Variants in UBN2 observed in about 807,000 individuals in gnomAD.
UBN2 encodes the protein ubinuclein 2.
A neutral mutation model predicts 120.2 loss-of-function variants in UBN2; 35 were observed. That is an observed-to-expected ratio of 0.29 (90% CI 0.22 to 0.39). The LOEUF is 0.39. UBN2 is among the 10% of genes least tolerant of loss of function. The pLI, the probability that UBN2 is intolerant of heterozygous loss-of-function variation, is 1.00. For synonymous variants in UBN2, 661 were observed against 648.7 expected, an observed-to-expected ratio of 1.02 and a Z score of -0.29; for missense variants, 1,693 against 1,663.2, an observed-to-expected ratio of 1.02 and a Z score of -0.31.
At chr7:139,232,102 G>T (rs977430515) in intron 1 of UBN2, 150 bp downstream of exon 1, 29 of 697,454 alleles carry the variant, frequency 4.2e-5, no homozygotes, top group East Asian at 2.1e-4. Context: ...GCGGGTGGAC[G>T]GGGCGGTGAG....
intron 3 of UBN2, among the ~76,000 whole-genome samples, chr7:139,257,916 GC>G (rs1427433271): frequency 6.6e-6 from 1 of 152,048 alleles, no homozygotes; most frequent in African/African-American, 2.4e-5. Flanking sequence ...CTCCTGAGTC[GC>G]TGGGCTTACT....
chr7:139,326,971 A>T, the UBN2 span, among the ~76,000 whole-genome samples: 7 of 152,316 alleles, frequency 4.6e-5, no homozygotes, highest in African/African-American at 1.4e-4. Flanking sequence ...TTACCAGAAA[A>T]TTGTGAGAGG....
chr7:139,247,785 A>G (rs1469268763), intron 2 of UBN2, among the ~76,000 whole-genome samples: 18 of 152,156 alleles, frequency 1.2e-4, no homozygotes, highest in Admixed American at 1.2e-3. Flanking sequence ...ACTAGTAGTC[A>G]GAGTGATTTT....
At chr7:139,244,788 A>G (rs73466679) in intron 2 of UBN2, among the ~76,000 whole-genome samples, 3,013 of 152,224 alleles carry the variant, frequency 0.02, 104 homozygotes, top group African/African-American at 0.068. Flanking sequence ...TATTGTCTCC[A>G]TAATAACCAG....
chr7:139,268,549 G>A (rs138632419), intron 7 of UBN2, among the ~76,000 whole-genome samples: 5 of 152,166 alleles, frequency 3.3e-5, no homozygotes, highest in East Asian at 1.9e-4. Context: ...AATTTGACCC[G>A]GATCAATAAA....
In UBN2 at chr7:139,269,245, G is replaced by T. The variant is rs374313459; in HGVS notation, c.1467-149G>T. The T allele has an allele frequency of 1.3e-4, 98 of 741,264 alleles. No homozygotes were observed. The East Asian group carries it at 2.1e-3, about 16-fold the overall frequency. The allele number at this position is 741,264 out of a possible 1,614,324, so 45.9% of individuals were successfully genotyped here. The stretch of plus-strand genomic sequence containing the variant: ...AATAAATAAACTGTTTATTGCTATG[G>T]GTTTTTTTTTATTTTTTCCATGAAG... On this transcript the variant is annotated intron_variant, in intron 7 of 17. Coordinates refer to ENST00000473989, the MANE Select transcript of UBN2 (RefSeq NM_173569.4).
intron 3 of UBN2, among the ~76,000 whole-genome samples, chr7:139,257,876 C>T (rs1272958508): frequency 2.0e-5 from 3 of 152,208 alleles, no homozygotes; most frequent in Admixed American, 1.3e-4. Flanking sequence ...ACCTCCACCA[C>T]CTGGGTTCAA....
intron 2 of UBN2, among the ~76,000 whole-genome samples, chr7:139,251,061 T>A (rs779896552): frequency 6.6e-6 from 1 of 152,092 alleles, no homozygotes; most frequent in African/African-American, 2.4e-5. Flanking sequence ...GCCATGATCA[T>A]GCCACTGCAC....
chr7:139,241,097 C>CT lies in UBN2; in HGVS notation c.561+4004dup, dbSNP rs149642786. Among the ~76,000 whole-genome samples the CT allele has an allele frequency of 6.7e-3, 1,014 of 152,244 alleles. 19 individuals are homozygous for CT. Among genetic ancestry groups the CT allele is most frequent in the African/African-American group, 0.023 (952 of 41,526 alleles). On this transcript the variant is annotated intron_variant, in intron 2 of 17. Coordinates refer to ENST00000473989, the MANE Select transcript of UBN2 (RefSeq NM_173569.4). ...TAGATAGTCTGTAGGTAATATATGC[C>CT]TTTTATGAGGCCACCTATACTCTAT...
intron 17 of UBN2, among the ~76,000 whole-genome samples, chr7:139,296,920 C>G (rs1270251733): frequency 6.6e-6 from 1 of 151,936 alleles, no homozygotes; most frequent in East Asian, 1.9e-4. Context: ...AAGAGCCAGG[C>G]GTGGTGGCTC....
chr7:139,307,207 G>A lies in UBN2; in HGVS notation c.*9371G>A, dbSNP rs1417427577. On this transcript the variant is annotated 3_prime_UTR_variant, in exon 18 of 18. Transcript: ENST00000473989. Reference sequence around the variant, plus strand: ...CTAAAGAGTTGATGGTCCTCTAGGTGAAAGACAAGAATTACTGTATTGCAT... The same window carrying A: ...CTAAAGAGTTGATGGTCCTCTAGGTAAAAGACAAGAATTACTGTATTGCAT... 6.6e-6 allele frequency: 1 copy of A among 152,214 alleles called. No homozygotes were observed. The highest frequency in any genetic ancestry group is 1.9e-4 in the East Asian group (1 of 5,200). 9.4% of individuals were successfully genotyped at this position (152,214 alleles called of 1,614,324 possible). A position where few individuals can be genotyped will look rare whatever the true frequency, so the allele number is the denominator to read the frequency against.
intron 3 of UBN2, among the ~76,000 whole-genome samples, chr7:139,258,009 G>A (rs940961374): frequency 2.4e-4 from 37 of 152,026 alleles, no homozygotes; most frequent in Admixed American, 1.6e-3. Context: ...CCTGACCCCA[G>A]GTGATCCACC....
chr7:139,248,743 C>T (rs1026687367), intron 2 of UBN2, among the ~76,000 whole-genome samples: 1 of 151,580 alleles, frequency 6.6e-6, no homozygotes, highest in African/African-American at 2.4e-5. Context: ...AGATCTCTTC[C>T]TCTCTCTCTC....
rs905095810 is a variant in UBN2 at position 139,299,420 on chromosome 7, A to C, written c.*1584A>C. 6.6e-6 allele frequency: 1 copy of C among 152,182 alleles called. No homozygotes were observed. The allele number at this position is 152,182 out of a possible 1,614,324, so 9.4% of individuals were successfully genotyped here. A position where few individuals can be genotyped will look rare whatever the true frequency, so the allele number is the denominator to read the frequency against. On this transcript the variant is annotated 3_prime_UTR_variant, in exon 18 of 18. Coordinates refer to ENST00000473989, the MANE Select transcript of UBN2 (RefSeq NM_173569.4). ...CCAGGCCCTTTTTTCTTTTATACACAAAAGTCCCAGATACCCTACAGGACT... is the reference window on the plus strand; with the variant it reads ...CCAGGCCCTTTTTTCTTTTATACACCAAAGTCCCAGATACCCTACAGGACT...
At chr7:139,271,675 A>G (rs1237221063) in intron 8 of UBN2, among the ~76,000 whole-genome samples, 2 of 152,224 alleles carry the variant, frequency 1.3e-5, no homozygotes, top group Non-Finnish European at 1.5e-5. Flanking sequence ...AAGTAGTTAC[A>G]TATATACTTG....
At position 139,293,347 on chromosome 7, in the gene UBN2, C is replaced by G. The variant is rs749182253; in HGVS notation, c.3785C>G (p.Pro1262Arg). ...TTTGGGATGCTGGGTGGCCTTGTTC[C>G]AGTGACCATGCCCTTCCAGTTTCCC... ...TPFGMLGGLV[P>R]VTMPFQFPLE... Residue 1262 changes from proline (P) to arginine (R), a missense_variant, in exon 16 of 18, where the codon CCA becomes CGA. By Grantham distance (103) the Pro-to-Arg change is moderately radical. Coordinates refer to ENST00000473989, the MANE Select transcript of UBN2 (RefSeq NM_173569.4). 1 of 1,614,070 alleles carries G rather than the reference C, an allele frequency of 6.2e-7. No individual in the cohort carries two copies. Among genetic ancestry groups the G allele is most frequent in the African/African-American group, 1.3e-5 (1 of 74,916 alleles).
chr7:139,244,571 A>G (rs1796412245), intron 2 of UBN2, among the ~76,000 whole-genome samples: 1 of 152,146 alleles, frequency 6.6e-6, no homozygotes, highest in Admixed American at 6.5e-5. Flanking sequence ...AACAAATTCA[A>G]ATAATACATA....
intron 3 of UBN2, among the ~76,000 whole-genome samples, chr7:139,253,991 C>G (rs1253484800): frequency 6.6e-6 from 1 of 152,138 alleles, no homozygotes; most frequent in Non-Finnish European, 1.5e-5. Context: ...TGTCAAACTC[C>G]TAAGTTAATT....
Position 139,300,476 on chromosome 7 carries a change from C to A in UBN2, c.*2640C>A, listed in dbSNP as rs1433652136. The stretch of plus-strand genomic sequence containing the variant: ...TCTTTACCGTTTTTATTACTAAAAA[C>A]AAACATATAAATTGGTTATTTTTTA... On this transcript the variant is annotated 3_prime_UTR_variant, in exon 18 of 18. Coordinates refer to ENST00000473989, the MANE Select transcript of UBN2 (RefSeq NM_173569.4). The A allele has an allele frequency of 1.3e-5, 2 of 152,094 alleles. No homozygotes were observed. The highest frequency in any genetic ancestry group is 2.9e-5 in the Non-Finnish European group (2 of 67,990). The allele number at this position is 152,094 out of a possible 1,614,324, so 9.4% of individuals were successfully genotyped here. A position where few individuals can be genotyped will look rare whatever the true frequency, so the allele number is the denominator to read the frequency against.
Sources: gnomAD v4.1 joint callset for allele counts (sites outside exome capture counted in the v4.1 genomes callset) on GRCh38, gnomAD v4.1.1 for gene constraint, MANE v1.5 for transcripts, NCBI Gene and HGNC (gene_info 2026-07-23, HGNC 2026-07-21) for gene names.